Variants in ATE1 observed in about 807,000 individuals in gnomAD.
The protein encoded by ATE1 is arginyltransferase 1.
Under a neutral mutation model 70.5 loss-of-function variants are expected in ATE1, and 36 were observed. The observed-to-expected ratio is 0.51, with a 90% CI of 0.39 to 0.67. ATE1 has a LOEUF of 0.67. ATE1 is among the 30% of genes least tolerant of loss of function. The pLI, the probability that ATE1 is intolerant of heterozygous loss-of-function variation, is 0.00. For missense variants in ATE1, 593 were observed against 629.5 expected (o/e 0.94, Z 0.62); for synonymous variants, 232 against 219.3 (o/e 1.06, Z -0.51).
intron 9 of ATE1, among the ~76,000 whole-genome samples, chr10:121,840,069 C>G (rs963427685): frequency 1.1e-4 from 16 of 152,270 alleles, no homozygotes; most frequent in African/African-American, 3.6e-4. Flanking sequence ...CCTTCCCCTC[C>G]TCCACCACAT....
intron 10 of ATE1, among the ~76,000 whole-genome samples, chr10:121,798,339 A>C (rs2133350886): frequency 6.6e-6 from 1 of 152,372 alleles, no homozygotes; most frequent in East Asian, 1.9e-4. Flanking sequence ...ATGTCAATTT[A>C]AAGTTTTTTT....
chr10:121,769,756 T>C (rs1170210528), intron 11 of ATE1, among the ~76,000 whole-genome samples: 2 of 152,198 alleles, frequency 1.3e-5, no homozygotes, highest in African/African-American at 4.8e-5. Flanking sequence ...CAAGCAGATG[T>C]AAAGACGTTC....
chr10:121,870,911 C>A (rs1252901351), intron 7 of ATE1, among the ~76,000 whole-genome samples: 1 of 151,846 alleles, frequency 6.6e-6, no homozygotes, highest in Admixed American at 6.6e-5. Flanking sequence ...TTAATAATAC[C>A]CAAATAATAC....
chr10:121,860,261 C>T (rs34015585), intron 8 of ATE1, among the ~76,000 whole-genome samples: 46,116 of 152,056 alleles, frequency 0.3, 8,311 homozygotes, highest in Middle Eastern at 0.43. Context: ...GGCCACAAAG[C>T]CAATTTAGGG....
chr10:121,900,060 T>A (rs1253337781), intron 6 of ATE1, 66 bp from the exon 7 acceptor site: 20 of 1,545,516 alleles, frequency 1.3e-5, no homozygotes, highest in Non-Finnish European at 1.7e-5. Flanking sequence ...GGAATATGCA[T>A]TAAGAGTAAC....
intron 10 of ATE1, among the ~76,000 whole-genome samples, chr10:121,798,809 G>A (rs1344708370): frequency 6.6e-6 from 1 of 151,802 alleles, no homozygotes; most frequent in African/African-American, 2.4e-5. Context: ...TAAGGCAGGA[G>A]GATCACCTGA....
chr10:121,919,571 C>T (rs539913425), intron 3 of ATE1, among the ~76,000 whole-genome samples: 2 of 150,884 alleles, frequency 1.3e-5, no homozygotes, highest in African/African-American at 4.9e-5. Flanking sequence ...AAAAAAAGCT[C>T]CTAATCAAGT....
At chr10:121,848,284 G>GTTCATTCATTCA (rs59186969) in intron 8 of ATE1, among the ~76,000 whole-genome samples, 1,790 of 150,178 alleles carry the variant, frequency 0.012, 24 homozygotes, top group African/African-American at 0.031. Flanking sequence ...TCTAATGTGC[G>GTTCATTCATTCA]TTCATTCATT....
rs1214676823 is a variant in ATE1 at position 121,927,854 on chromosome 10, G to A, written c.96C>T (p.Ser32=). The change falls in exon 1 of 12, where the codon AGC becomes AGT. Residue 32 remains serine, a synonymous_variant. Coordinates refer to ENST00000224652, the MANE Select transcript of ATE1 (RefSeq NM_001001976.3). ...RCGYCKNESG[S]RSNGMWAHSM... ...GCCCGGCTCGCTCACCATTGGAGCG[G>A]CTGCCCGACTCGTTCTTGCAGTAGC... is the stretch of plus-strand genomic sequence containing the variant. 1.9e-6 allele frequency: 3 copies of A among 1,576,012 alleles called. No homozygotes were observed. The highest frequency in any genetic ancestry group is 1.2e-5 in the South Asian group (1 of 86,322).
intron 11 of ATE1, among the ~76,000 whole-genome samples, chr10:121,770,962 G>T (rs1414352919): frequency 6.6e-6 from 1 of 152,068 alleles, no homozygotes; most frequent in Non-Finnish European, 1.5e-5. Context: ...CGAAACCAAG[G>T]CTTGGAGGGT....
chr10:121,806,237 A>G (rs192432835), intron 10 of ATE1, among the ~76,000 whole-genome samples: 2 of 152,314 alleles, frequency 1.3e-5, no homozygotes, highest in Non-Finnish European at 2.9e-5. Context: ...GGATGGCTTA[A>G]GCTCAGGAGT....
intron 10 of ATE1, among the ~76,000 whole-genome samples, chr10:121,796,426 G>A (rs993033495): frequency 3.3e-5 from 5 of 152,090 alleles, no homozygotes; most frequent in Non-Finnish European, 7.4e-5. Flanking sequence ...TATGATTCCT[G>A]ACTTCACCAA....
intron 10 of ATE1, among the ~76,000 whole-genome samples, chr10:121,801,809 C>T (rs997536508): frequency 2.0e-5 from 3 of 152,040 alleles, no homozygotes; most frequent in Non-Finnish European, 4.4e-5. Context: ...AAGTTTTCTC[C>T]TTTGAATTCA....
At chr10:121,872,280 G>T (rs759516985) in intron 7 of ATE1, among the ~76,000 whole-genome samples, 1 of 152,010 alleles carries the variant, frequency 6.6e-6, no homozygotes, top group Non-Finnish European at 1.5e-5. Flanking sequence ...CACATTTTTG[G>T]CATGTGTATA....
chr10:121,902,320 A>C (rs756274579), intron 6 of ATE1, 71 bp downstream of exon 6: 6 of 1,365,908 alleles, frequency 4.4e-6, no homozygotes, highest in Non-Finnish European at 6.0e-6. Context: ...AGAACTTCAA[A>C]TAAAAATAAA....
intron 7 of ATE1, among the ~76,000 whole-genome samples, chr10:121,893,084 T>C (rs912557497): frequency 4.6e-5 from 7 of 152,018 alleles, no homozygotes; most frequent in African/African-American, 1.7e-4. Flanking sequence ...GAGACCATCC[T>C]GGCTAACATA....
At chr10:121,831,954 T>C (rs1016193167) in intron 10 of ATE1, among the ~76,000 whole-genome samples, 5 of 152,166 alleles carry the variant, frequency 3.3e-5, no homozygotes, top group African/African-American at 1.2e-4. Flanking sequence ...GACCATAAAT[T>C]ATTCTGAATT....
At chr10:121,856,666 G>A (rs970562878) in intron 8 of ATE1, among the ~76,000 whole-genome samples, 3 of 152,198 alleles carry the variant, frequency 2.0e-5, no homozygotes, top group Non-Finnish European at 4.4e-5. Flanking sequence ...CTATGCTGTA[G>A]TCTATTAAGT....
intron 3 of ATE1, among the ~76,000 whole-genome samples, chr10:121,916,789 C>T (rs1297486696): frequency 2.0e-5 from 3 of 151,024 alleles, no homozygotes; most frequent in South Asian, 4.2e-4. Flanking sequence ...GAGCCAAGAT[C>T]GCGCCACTGC....
Sources: gnomAD v4.1 joint callset for allele counts (sites outside exome capture counted in the v4.1 genomes callset) on GRCh38, gnomAD v4.1.1 for gene constraint, MANE v1.5 for transcripts, NCBI Gene and HGNC (gene_info 2026-07-23, HGNC 2026-07-21) for gene names.